Variants in N4BP2L2 observed in about 807,000 individuals in gnomAD.
N4BP2L2 encodes NEDD4 binding protein 2 like 2.
N4BP2L2 carries 50 observed loss-of-function variants against 56.2 expected under a neutral mutation model. That is an observed-to-expected ratio of 0.89 (90% CI 0.71 to 1.13). The LOEUF is 1.13. Among genes scored for constraint, N4BP2L2 ranks in the 50% most tolerant of loss-of-function variants. The pLI is 0.00. For missense variants in N4BP2L2, 689 were observed against 693.8 expected (o/e 0.99, Z 0.08); for synonymous variants, 203 against 223.6 (o/e 0.91, Z 0.82).
At chr13:32,458,004 A>C (rs1593528512) in intron 6 of N4BP2L2, among the ~76,000 whole-genome samples, 1 of 151,818 alleles carries the variant, frequency 6.6e-6, no homozygotes, top group Non-Finnish European at 1.5e-5. Context: ...GTTTCCACTT[A>C]AAAGATACAG....
At chr13:32,476,818 CTAAA>C (rs1284625080) in intron 6 of N4BP2L2, among the ~76,000 whole-genome samples, 1 of 152,114 alleles carries the variant, frequency 6.6e-6, no homozygotes, top group Non-Finnish European at 1.5e-5. Context: ...ATAAGAAACT[CTAAA>C]TAATAACTAA....
At chr13:32,486,264 G>T (rs2085831714) in intron 6 of N4BP2L2, among the ~76,000 whole-genome samples, 1 of 151,918 alleles carries the variant, frequency 6.6e-6, no homozygotes, top group Non-Finnish European at 1.5e-5. Flanking sequence ...CAGGCGATTA[G>T]GCAAGAAAAA....
exon 7 of N4BP2L2, chr13:32,443,380 C>T: frequency 6.2e-7 from 1 of 1,613,978 alleles, no homozygotes; most frequent in South Asian, 1.1e-5. Flanking sequence ...AGGCCAGCTA[C>T]CAAAATAGGG....
At chr13:32,480,816 A>C (rs2084503192) in intron 6 of N4BP2L2, among the ~76,000 whole-genome samples, 1 of 152,098 alleles carries the variant, frequency 6.6e-6, no homozygotes, top group African/African-American at 2.4e-5. Flanking sequence ...GGTTTTCTGA[A>C]CCTAAAGATT....
At chr13:32,479,446 T>G (rs567851558) in intron 6 of N4BP2L2, among the ~76,000 whole-genome samples, 1 of 151,648 alleles carries the variant, frequency 6.6e-6, no homozygotes, top group Non-Finnish European at 1.5e-5. Context: ...CTTGTTTTTT[T>G]TTGTTTTTGT....
chr13:32,454,049 C>T (rs1159806574), intron 6 of N4BP2L2, among the ~76,000 whole-genome samples: 1 of 152,012 alleles, frequency 6.6e-6, no homozygotes, highest in Non-Finnish European at 1.5e-5. Flanking sequence ...TTGAAAAGCT[C>T]CCACATATTC....
At chr13:32,443,882 C>G in exon 7 of N4BP2L2, 2 of 1,568,270 alleles carry the variant, frequency 1.3e-6, no homozygotes, top group Non-Finnish European at 1.7e-6. Context: ...TATCCAGTCA[C>G]AAAATCTCCG....
chr13:32,518,977 G>T (rs2050001644), intron 5 of N4BP2L2, among the ~76,000 whole-genome samples: 1 of 152,068 alleles, frequency 6.6e-6, no homozygotes, highest in Non-Finnish European at 1.5e-5. Flanking sequence ...AAACATACAG[G>T]AAACATATTT....
intron 6 of N4BP2L2, among the ~76,000 whole-genome samples, chr13:32,479,578 G>A (rs142104288): frequency 7.3e-5 from 11 of 150,644 alleles, no homozygotes; most frequent in East Asian, 3.9e-4. Context: ...ACTGCGCCCC[G>A]CCAGTAATTA....
intron 2 of N4BP2L2, among the ~76,000 whole-genome samples, chr13:32,528,745 A>G (rs971652997): frequency 5.9e-5 from 9 of 152,122 alleles, no homozygotes; most frequent in African/African-American, 2.2e-4. Context: ...ATTGAGAGTA[A>G]AAGAATATTG....
At chr13:32,485,845 G>C (rs1048862993) in intron 6 of N4BP2L2, among the ~76,000 whole-genome samples, 5 of 152,150 alleles carry the variant, frequency 3.3e-5, no homozygotes, top group Non-Finnish European at 5.9e-5. Context: ...AAGGTGGGAG[G>C]ATCAGTTGAA....
chr13:32,463,153 A>C (rs2080505846), intron 6 of N4BP2L2, among the ~76,000 whole-genome samples: 1 of 152,190 alleles, frequency 6.6e-6, no homozygotes, highest in Non-Finnish European at 1.5e-5. Context: ...CTAGAGTTGG[A>C]GAGTGTAACA....
chr13:32,500,845 C>G (rs2089861892), intron 6 of N4BP2L2, among the ~76,000 whole-genome samples: 1 of 150,340 alleles, frequency 6.7e-6, no homozygotes, highest in African/African-American at 2.4e-5. Flanking sequence ...CTTATGACAA[C>G]TCTGTCACTT....
rs1594020381 is a variant in N4BP2L2 at position 32,517,618 on chromosome 13, A to G, written c.*184T>C. 4 of 1,388,374 alleles carry G rather than the reference A, an allele frequency of 2.9e-6. No homozygotes were observed. In the East Asian group the frequency reaches 1.1e-4, roughly 37 times the overall value. 86.0% of individuals were successfully genotyped at this position (1,388,374 alleles called of 1,614,324 possible). On this transcript the variant is annotated 3_prime_UTR_variant, in exon 6 of 6. Transcript: ENST00000267068. ...CAACAAGAGAATATAAAAACATTTA[A>G]AATACAATTTCATATATTTTTATTT...
At chr13:32,513,270 C>G (rs945235088) in exon 6 of N4BP2L2, 2 of 152,116 alleles carry the variant, frequency 1.3e-5, no homozygotes, top group African/African-American at 4.8e-5. Flanking sequence ...ACATATTTGG[C>G]AATTTAAATC....
At chr13:32,488,100 AT>A (rs1293738372) in intron 6 of N4BP2L2, among the ~76,000 whole-genome samples, 2 of 152,164 alleles carry the variant, frequency 1.3e-5, no homozygotes, top group Non-Finnish European at 1.5e-5. Flanking sequence ...TAATAAACAC[AT>A]GGAACTAGGC....
intron 6 of N4BP2L2, among the ~76,000 whole-genome samples, chr13:32,450,732 G>A (rs953682149): frequency 1.3e-4 from 19 of 151,998 alleles, no homozygotes; most frequent in Middle Eastern, 3.4e-3. Flanking sequence ...CAGGGTTCAA[G>A]TGATTCTCCT....
intron 2 of N4BP2L2, among the ~76,000 whole-genome samples, chr13:32,530,109 A>T (rs1403538776): frequency 2.0e-5 from 3 of 152,174 alleles, no homozygotes; most frequent in African/African-American, 7.2e-5. Context: ...AATTTTCTCA[A>T]AATAAAAGGT....
At chr13:32,469,263 G>A (rs184458578) in intron 6 of N4BP2L2, among the ~76,000 whole-genome samples, 7 of 152,342 alleles carry the variant, frequency 4.6e-5, no homozygotes, top group Admixed American at 2.6e-4. Flanking sequence ...ATCATGGGCT[G>A]TGGTAACTGG....
Sources: allele counts gnomAD v4.1 joint callset (sites outside exome capture counted in the v4.1 genomes callset), GRCh38; gene constraint gnomAD v4.1.1; transcripts MANE v1.5; gene names NCBI Gene and HGNC (gene_info 2026-07-23, HGNC 2026-07-21).